The following MED27 variants were observed in gnomAD, a reference collection of about 807,000 sequenced individuals.
The protein encoded by MED27 is mediator of RNA polymerase II transcription subunit 27.
MED27 carries 30 observed loss-of-function variants against 38.2 expected under a neutral mutation model. That is an observed-to-expected ratio of 0.79 (90% CI 0.59 to 1.07). The LOEUF (loss-of-function observed/expected upper bound fraction) is 1.07. MED27 is among the 50% of genes least tolerant of loss of function. The pLI is 0.00. For missense variants in MED27, 289 were observed against 397.5 expected, an observed-to-expected ratio of 0.73 and a Z score of 2.32; for synonymous variants, 122 against 153.5, an observed-to-expected ratio of 0.79 and a Z score of 1.52.
chr9:131,962,638 T>A (rs1381153796), intron 3 of MED27, among the ~76,000 whole-genome samples: 1 of 152,136 alleles, frequency 6.6e-6, no homozygotes, highest in Non-Finnish European at 1.5e-5. Context: ...ATCGAAATTA[T>A]CCCACTAGGT....
chr9:131,903,844 C>T (rs779085325), intron 4 of MED27, among the ~76,000 whole-genome samples: 1 of 151,816 alleles, frequency 6.6e-6, no homozygotes, highest in Non-Finnish European at 1.5e-5. Context: ...CCTCCTGCCT[C>T]AGCCTCCCAA....
rs897762324 is a variant in MED27, at chr9:131,872,755, C to T, written c.724-9615G>A. On this transcript the variant is annotated intron_variant, in intron 6 of 7. Coordinates refer to ENST00000292035, the MANE Select transcript of MED27 (RefSeq NM_004269.4). This position sits in a 1 kb window ranked among gnomAD's most constrained non-coding sequence, Gnocchi z 5.6. ...CTGAGCTGTCCTAGTTATCTCCTGGCAGCATGTGCACACTGTGCCCTGAAG... is the reference window on the plus strand; with the variant it reads ...CTGAGCTGTCCTAGTTATCTCCTGGTAGCATGTGCACACTGTGCCCTGAAG... Among the ~76,000 whole-genome samples the T allele has an allele frequency of 6.6e-6, 1 of 152,228 alleles. No homozygotes were observed. The highest frequency in any genetic ancestry group is 1.5e-5 in the Non-Finnish European group (1 of 68,038).
chr9:131,990,097 C>T (rs768834439), intron 3 of MED27, among the ~76,000 whole-genome samples: 5 of 152,248 alleles, frequency 3.3e-5, no homozygotes, highest in East Asian at 1.9e-4. Flanking sequence ...CCTTCCCAGA[C>T]GGTGCTTCCC....
chr9:132,044,902 C>A (rs1833297553), intron 2 of MED27, among the ~76,000 whole-genome samples: 1 of 152,148 alleles, frequency 6.6e-6, no homozygotes, highest in Non-Finnish European at 1.5e-5. Flanking sequence ...AGTGCTACTT[C>A]ATACCGTACA....
chr9:132,046,938 A>G (rs1205367735), intron 2 of MED27, among the ~76,000 whole-genome samples: 1 of 152,208 alleles, frequency 6.6e-6, no homozygotes, highest in Non-Finnish European at 1.5e-5. Flanking sequence ...CAAGAAAAGT[A>G]TAAGAGAGAT....
intron 3 of MED27, among the ~76,000 whole-genome samples, chr9:132,006,561 C>T (rs1832361140): frequency 6.6e-6 from 1 of 152,066 alleles, no homozygotes; most frequent in Non-Finnish European, 1.5e-5. Context: ...AGGACACATG[C>T]TCACAGTCAC....
chr9:131,882,692 C>A (rs191290148), intron 6 of MED27, among the ~76,000 whole-genome samples: 1 of 152,200 alleles, frequency 6.6e-6, no homozygotes, highest in African/African-American at 2.4e-5. Context: ...CCCCACTTCA[C>A]GGGGCTGGCT....
chr9:131,904,522 T>G (rs1021620472), intron 4 of MED27, among the ~76,000 whole-genome samples: 2 of 147,804 alleles, frequency 1.4e-5, no homozygotes, highest in African/African-American at 5.2e-5. Context: ...TCTTTTCTTT[T>G]TTTTTTAAAT....
chr9:131,881,904 C>T (rs906171667), intron 6 of MED27, among the ~76,000 whole-genome samples: 2 of 148,364 alleles, frequency 1.3e-5, no homozygotes, highest in South Asian at 2.2e-4. Context: ...TACAGGCGCC[C>T]GCCACCACGC....
rs942624085 is a variant in MED27 at position 131,997,561 on chromosome 9, A to G, written c.479+16776T>C. On this transcript the variant is annotated intron_variant, in intron 3 of 7. Transcript: ENST00000292035. This position sits in a 1 kb window ranked among gnomAD's most constrained non-coding sequence, Gnocchi z 4.0. Reference sequence around the variant, plus strand: ...ACTGTAGGCTGCCATCTCCCCCAGCAGTCCTGCTTCCTCCCACTTTCTTTC... The same window carrying G: ...ACTGTAGGCTGCCATCTCCCCCAGCGGTCCTGCTTCCTCCCACTTTCTTTC... 2.6e-5 allele frequency among the ~76,000 whole-genome samples: 4 copies of G among 152,220 alleles called. No individual in the cohort carries two copies. The highest frequency in any genetic ancestry group is 5.9e-5 in the Non-Finnish European group (4 of 68,038).
chr9:131,948,688 T>C (rs2130981657), intron 3 of MED27, among the ~76,000 whole-genome samples: 1 of 152,250 alleles, frequency 6.6e-6, no homozygotes, highest in African/African-American at 2.4e-5. Flanking sequence ...TCTACTGTGT[T>C]GTTCTCTTCC....
chr9:131,880,499 T>C (rs1052307803), intron 6 of MED27, among the ~76,000 whole-genome samples: 2 of 152,234 alleles, frequency 1.3e-5, no homozygotes, highest in Non-Finnish European at 2.9e-5. Context: ...TAAGTCCACT[T>C]AGTTAATAAT....
chr9:132,079,097 C>G (rs550400068), intron 1 of MED27, among the ~76,000 whole-genome samples: 8 of 152,164 alleles, frequency 5.3e-5, no homozygotes, highest in African/African-American at 1.9e-4. Context: ...GGAAACTGAT[C>G]AGGTGGTTTG....
intron 2 of MED27, among the ~76,000 whole-genome samples, chr9:132,041,266 C>G (rs1355563536): frequency 6.6e-6 from 1 of 152,200 alleles, no homozygotes; most frequent in Admixed American, 6.5e-5. Flanking sequence ...GGAGAGTAGA[C>G]AGTCATGCTG....
Position 132,002,716 on chromosome 9 carries a change from A to C in MED27, c.479+11621T>G, listed in dbSNP as rs1832265459. Among the ~76,000 whole-genome samples, 12 of 152,274 alleles carry C rather than the reference A, an allele frequency of 7.9e-5. No individual in the cohort carries two copies. The South Asian group carries it at 2.5e-3, about 32-fold the overall frequency. ...CACTTGAGGTCAGGAGTTCAAGAGC[A>C]GCCCAACCAACATGGTGAAACCCCG... On this transcript the variant is annotated intron_variant, in intron 3 of 7. Coordinates refer to ENST00000292035, the MANE Select transcript of MED27 (RefSeq NM_004269.4).
At chr9:132,025,433 C>A (rs1168213430) in intron 2 of MED27, among the ~76,000 whole-genome samples, 1 of 152,224 alleles carries the variant, frequency 6.6e-6, no homozygotes, top group Non-Finnish European at 1.5e-5. Flanking sequence ...CTGCCCGCCT[C>A]GACCTCCCAA....
chr9:131,864,135 G>A (rs553250945), intron 6 of MED27, among the ~76,000 whole-genome samples: 1 of 152,126 alleles, frequency 6.6e-6, no homozygotes, highest in Non-Finnish European at 1.5e-5. Context: ...CAAAGTAATG[G>A]TTTACATGAT....
At chr9:132,042,316 T>C (rs1386775476) in intron 2 of MED27, among the ~76,000 whole-genome samples, 1 of 152,226 alleles carries the variant, frequency 6.6e-6, no homozygotes, top group African/African-American at 2.4e-5. Flanking sequence ...GGACACCCTA[T>C]TTATACATTG....
At chr9:131,933,541 G>A (rs111509523) in intron 4 of MED27, among the ~76,000 whole-genome samples, 113 of 152,014 alleles carry the variant, frequency 7.4e-4, no homozygotes, top group Non-Finnish European at 1.4e-3. Context: ...ATCAACCAAA[G>A]AAACAGAATT....
Sources: allele counts gnomAD v4.1 joint callset (sites outside exome capture counted in the v4.1 genomes callset), GRCh38; gene constraint gnomAD v4.1.1; non-coding constraint Gnocchi (gnomAD v3.1); transcripts MANE v1.5; gene names NCBI Gene and HGNC (gene_info 2026-07-23, HGNC 2026-07-21).